OSBPL6: variants seen among roughly 807,000 people sequenced by gnomAD.
The protein encoded by OSBPL6 is oxysterol-binding protein-related protein 6.
In OSBPL6, 49 loss-of-function variants were observed where a neutral mutation model predicts 125.8. That is an observed-to-expected ratio of 0.39 (90% CI 0.31 to 0.49). The LOEUF (loss-of-function observed/expected upper bound fraction) is 0.49. Ranked by LOEUF, OSBPL6 falls within the 20% of genes least tolerant of loss-of-function variation. OSBPL6 has a pLI of 0.88. For missense variants in OSBPL6, 986 were observed against 1,135.4 expected (o/e 0.87, Z 1.89); for synonymous variants, 394 against 391.8 (o/e 1.01, Z -0.07).
chr2:178,395,317 A>G (rs1343780149), intron 24 of OSBPL6, 134 bp from the exon 25 acceptor site: 1 of 563,042 alleles, frequency 1.8e-6, no homozygotes, highest in East Asian at 3.1e-5. Flanking sequence ...TCACATCATC[A>G]GTAGCTAGCA....
intron 1 of OSBPL6, among the ~76,000 whole-genome samples, chr2:178,275,154 AG>A (rs2092445021): frequency 6.6e-6 from 1 of 152,240 alleles, no homozygotes; most frequent in South Asian, 2.1e-4. Context: ...TCTAGCATGA[AG>A]TAAGGATATA....
At chr2:178,261,393 GAA>G (rs778259031) in intron 1 of OSBPL6, among the ~76,000 whole-genome samples, 3 of 102,334 alleles carry the variant, frequency 2.9e-5, no homozygotes, top group African/African-American at 9.5e-5. Flanking sequence ...CATTATAATT[GAA>G]AAAAAAAAAA....
intron 1 of OSBPL6, among the ~76,000 whole-genome samples, chr2:178,267,030 T>C (rs2092251968): frequency 6.6e-6 from 1 of 152,180 alleles, no homozygotes; most frequent in African/African-American, 2.4e-5. Context: ...ATGGCTATTT[T>C]TGTTTTTGCC....
chr2:178,217,733 T>C (rs55923346), intron 1 of OSBPL6, among the ~76,000 whole-genome samples: 19,125 of 152,158 alleles, frequency 0.13, 1,526 homozygotes, highest in African/African-American at 0.22. Context: ...GCAAATAGCC[T>C]TTCCAGTTGA....
chr2:178,342,244 C>T (rs980937525), intron 11 of OSBPL6, among the ~76,000 whole-genome samples: 1 of 152,072 alleles, frequency 6.6e-6, no homozygotes, highest in African/African-American at 2.4e-5. Context: ...GTACAACAGC[C>T]ATTGTGAAGG....
In OSBPL6 at chr2:178,314,279, C is replaced by T. The variant is rs558476465; in HGVS notation, c.102+7993C>T. On this transcript the variant is annotated intron_variant, in intron 3 of 24. Coordinates refer to ENST00000190611, the MANE Select transcript of OSBPL6 (RefSeq NM_032523.4). ...GCATCCCTGATTTGATACCTAACCT[C>T]CAATTACAATCACCTCCAGTGTTAC... is the stretch of plus-strand genomic sequence containing the variant. Among the ~76,000 whole-genome samples the T allele has an allele frequency of 2.0e-5, 3 of 152,296 alleles. No individual in the cohort carries two copies. The South Asian group carries it at 6.2e-4, about 32-fold the overall frequency.
intron 1 of OSBPL6, among the ~76,000 whole-genome samples, chr2:178,225,623 CA>C (rs1396466862): frequency 2.6e-5 from 4 of 152,116 alleles, no homozygotes; most frequent in African/African-American, 9.7e-5. Flanking sequence ...GGGCAATTTA[CA>C]AAAGAAAGAG....
intron 1 of OSBPL6, among the ~76,000 whole-genome samples, chr2:178,196,183 G>T (rs1301793672): frequency 2.6e-5 from 4 of 152,196 alleles, no homozygotes; most frequent in Admixed American, 2.6e-4. Context: ...TCGAAGGGAA[G>T]CTGCAGTGTA....
chr2:178,378,114 C>G (rs1317394204), intron 15 of OSBPL6, among the ~76,000 whole-genome samples: 1 of 152,166 alleles, frequency 6.6e-6, no homozygotes, highest in Non-Finnish European at 1.5e-5. Flanking sequence ...CAGGCATGAG[C>G]CACTGCGCCT....
At chr2:178,302,581 C>T (rs1686394820) in intron 2 of OSBPL6, among the ~76,000 whole-genome samples, 2 of 151,956 alleles carry the variant, frequency 1.3e-5, no homozygotes, top group South Asian at 4.2e-4. Flanking sequence ...TACTTGAAAC[C>T]CTTTCTGTTA....
chr2:178,380,173 G>T (rs568777972), intron 15 of OSBPL6, among the ~76,000 whole-genome samples: 3 of 152,220 alleles, frequency 2.0e-5, no homozygotes, highest in East Asian at 1.9e-4. Flanking sequence ...TTTTGGCCAG[G>T]TGCAATGGCT....
intron 1 of OSBPL6, among the ~76,000 whole-genome samples, chr2:178,242,793 G>A (rs1183854621): frequency 6.6e-6 from 1 of 152,068 alleles, no homozygotes; most frequent in African/African-American, 2.4e-5. Context: ...CAAAGAAATG[G>A]TGGATGACCT....
At chr2:178,358,051 G>T (rs183108779) in intron 12 of OSBPL6, among the ~76,000 whole-genome samples, 1 of 152,032 alleles carries the variant, frequency 6.6e-6, no homozygotes, top group East Asian at 1.9e-4. Flanking sequence ...ACTTGGACAC[G>T]GCAGGGAACA....
intron 1 of OSBPL6, among the ~76,000 whole-genome samples, chr2:178,199,125 C>T (rs1349495889): frequency 6.6e-6 from 1 of 152,186 alleles, no homozygotes; most frequent in Non-Finnish European, 1.5e-5. Context: ...TGCATAAATA[C>T]TATCTGGCAG....
intron 12 of OSBPL6, among the ~76,000 whole-genome samples, chr2:178,357,028 C>G (rs1329338201): frequency 6.6e-6 from 1 of 152,210 alleles, no homozygotes; most frequent in African/African-American, 2.4e-5. Flanking sequence ...GGAAAACTGG[C>G]TAGCCATATG....
chr2:178,309,336 C>A (rs946009201), intron 3 of OSBPL6, among the ~76,000 whole-genome samples: 16 of 152,154 alleles, frequency 1.1e-4, no homozygotes, highest in African/African-American at 3.9e-4. Context: ...TCTTCAGAGA[C>A]CAGCCTTGAA....
Position 178,308,393 on chromosome 2 carries a change from G to A in OSBPL6, c.102+2107G>A, listed in dbSNP as rs150833670. ...TAGTGAAGGGACATAGAGAAAGTGT[G>A]ATAAATTTGGCTTCATTGAATCCTT... On this transcript the variant is annotated intron_variant, in intron 3 of 24. Coordinates refer to ENST00000190611, the MANE Select transcript of OSBPL6 (RefSeq NM_032523.4). Among the ~76,000 whole-genome samples, 15 of 152,302 alleles carry A rather than the reference G, an allele frequency of 9.8e-5. No individual in the cohort carries two copies. In the East Asian group the frequency reaches 2.9e-3, roughly 29 times the overall value.
rs184404543 is a variant in OSBPL6 at position 178,282,180 on chromosome 2, G to A, written c.-350-2747G>A. 3.8e-3 allele frequency among the ~76,000 whole-genome samples: 572 copies of A among 152,334 alleles called. 8 individuals carry two copies. The highest frequency in any genetic ancestry group is 3.9e-3 in the Non-Finnish European group (266 of 68,034). On this transcript the variant is annotated intron_variant, in intron 1 of 24. Transcript: ENST00000190611. ...GTGCTGGATTTTGAAGGCTGTATTG[G>A]CAAAGACTATGGCGAAAGAAGAAGG...
At chr2:178,341,750 C>G (rs1292625006) in intron 11 of OSBPL6, among the ~76,000 whole-genome samples, 1 of 152,156 alleles carries the variant, frequency 6.6e-6, no homozygotes, top group African/African-American at 2.4e-5. Context: ...CCACTTCCAC[C>G]TGGACTAAAA....
Sources: allele counts gnomAD v4.1 joint callset (sites outside exome capture counted in the v4.1 genomes callset), GRCh38; gene constraint gnomAD v4.1.1; transcripts MANE v1.5; gene names NCBI Gene and HGNC (gene_info 2026-07-23, HGNC 2026-07-21).